CFAP263: variants seen among roughly 807,000 people sequenced by gnomAD.
CFAP263 encodes the protein cilia- and flagella-associated protein 263.
At chr16:58,278,422 G>A in the CFAP263 span, 13 of 1,513,244 alleles carry the variant, frequency 8.6e-6, no homozygotes, top group Non-Finnish European at 1.2e-5. Context: ...CAGGGCCAGT[G>A]AGTTCTCAAA....
At chr16:58,251,177 A>G in the CFAP263 span, among the ~76,000 whole-genome samples, 2 of 152,208 alleles carry the variant, frequency 1.3e-5, no homozygotes, top group African/African-American at 4.8e-5. Context: ...ATGATCTTAT[A>G]TGATGACACT....
chr16:58,277,849 G>A, the CFAP263 span, among the ~76,000 whole-genome samples: 4 of 152,164 alleles, frequency 2.6e-5, no homozygotes, highest in African/African-American at 4.8e-5. Context: ...GTTTGATTCC[G>A]CTTATATGAG....
the CFAP263 span, among the ~76,000 whole-genome samples, chr16:58,268,705 T>C: frequency 6.6e-6 from 1 of 152,178 alleles, no homozygotes; most frequent in Non-Finnish European, 1.5e-5. Flanking sequence ...GAGTGGCAAG[T>C]AGCAAAGGTA....
At chr16:58,277,288 C>G in the CFAP263 span, among the ~76,000 whole-genome samples, 1 of 151,972 alleles carries the variant, frequency 6.6e-6, no homozygotes, top group Non-Finnish European at 1.5e-5. Context: ...GTCACCATGC[C>G]CGACTCAGTT....
At chr16:58,283,650 A>G in the CFAP263 span, 1 of 152,154 alleles carries the variant, frequency 6.6e-6, no homozygotes, top group Non-Finnish European at 1.5e-5. Context: ...TTTTGTTAAA[A>G]AGCTATATCT....
At chr16:58,257,495 G>A in the CFAP263 span, among the ~76,000 whole-genome samples, 41 of 151,802 alleles carry the variant, frequency 2.7e-4, no homozygotes, top group African/African-American at 9.9e-4. Context: ...ATTCGCGGTC[G>A]CAATCATAGC....
the CFAP263 span, among the ~76,000 whole-genome samples, chr16:58,257,403 A>G: frequency 6.6e-6 from 1 of 152,130 alleles, no homozygotes; most frequent in South Asian, 2.1e-4. Flanking sequence ...ACGTCAATAC[A>G]TATTTTCATT....
chr16:58,279,633 A>G, the CFAP263 span: 1 of 1,399,510 alleles, frequency 7.1e-7, no homozygotes, highest in Non-Finnish European at 9.7e-7. Context: ...TCCCCAAGTG[A>G]CTTTCTCCCC....
chr16:58,280,044 G>A, the CFAP263 span: 41,014 of 662,238 alleles, frequency 0.062, 1,435 homozygotes, highest in Middle Eastern at 0.1. Flanking sequence ...CATAGTGAAA[G>A]TGACCTTCCC....
the CFAP263 span, among the ~76,000 whole-genome samples, chr16:58,260,215 G>C: frequency 2.6e-5 from 4 of 152,174 alleles, no homozygotes; most frequent in Non-Finnish European, 1.5e-5. Context: ...GCAGAGATCA[G>C]AGTGATGAGC....
At chr16:58,278,989 A>G in the CFAP263 span, among the ~76,000 whole-genome samples, 4 of 151,870 alleles carry the variant, frequency 2.6e-5, no homozygotes, top group Admixed American at 2.0e-4. Flanking sequence ...TTTTTTTTTT[A>G]AATGAGATAG....
At chr16:58,278,997 T>C in the CFAP263 span, among the ~76,000 whole-genome samples, 5 of 152,060 alleles carry the variant, frequency 3.3e-5, no homozygotes, top group African/African-American at 1.2e-4. Flanking sequence ...TTAAATGAGA[T>C]AGTGATGGAT....
chr16:58,278,514 G>T, the CFAP263 span: 5 of 1,614,200 alleles, frequency 3.1e-6, no homozygotes, highest in Non-Finnish European at 4.2e-6. Context: ...TGAATAAGAG[G>T]CTCCGGAAGC....
At chr16:58,267,077 C>A in the CFAP263 span, among the ~76,000 whole-genome samples, 1 of 152,186 alleles carries the variant, frequency 6.6e-6, no homozygotes, top group Non-Finnish European at 1.5e-5. Flanking sequence ...ATAGTCATGG[C>A]AGCTGTTTGT....
At chr16:58,250,394 C>CG in the CFAP263 span, 1 of 361,360 alleles carries the variant, frequency 2.8e-6, no homozygotes, top group Non-Finnish European at 5.0e-6. Flanking sequence ...TCATGCCAGA[C>CG]GGTGTGCTTA....
At chr16:58,254,771 A>AT in the CFAP263 span, among the ~76,000 whole-genome samples, 202 of 151,482 alleles carry the variant, frequency 1.3e-3, no homozygotes, top group African/African-American at 4.6e-3. Context: ...CACCCGGCTA[A>AT]TTTTTTTTGT....
At chr16:58,274,012 A>T in the CFAP263 span, among the ~76,000 whole-genome samples, 1 of 152,180 alleles carries the variant, frequency 6.6e-6, no homozygotes, top group Non-Finnish European at 1.5e-5. Flanking sequence ...GCATCTTCCT[A>T]CTAAGCTTAC....
At chr16:58,253,951 A>G in the CFAP263 span, 7 of 1,610,284 alleles carry the variant, frequency 4.3e-6, no homozygotes, top group Non-Finnish European at 5.9e-6. Flanking sequence ...GGGCTGGTTC[A>G]TTACCAATTC....
the CFAP263 span, chr16:58,267,459 G>A: frequency 6.7e-7 from 1 of 1,503,300 alleles, no homozygotes; most frequent in African/African-American, 1.4e-5. Flanking sequence ...CTCAAGACTT[G>A]CTGTGTTGTT....
Sources: gnomAD v4.1 joint callset for allele counts (sites outside exome capture counted in the v4.1 genomes callset) on GRCh38, gnomAD v4.1.1 for gene constraint, MANE v1.5 for transcripts, NCBI Gene and HGNC (gene_info 2026-07-23, HGNC 2026-07-21) for gene names.